PRR22: variants seen among roughly 807,000 people sequenced by gnomAD.
PRR22 encodes proline rich 22.
PRR22 carries 5 observed loss-of-function variants against 7.2 expected under a neutral mutation model. That is an observed-to-expected ratio of 0.69 (90% CI 0.36 to 1.45). The LOEUF (loss-of-function observed/expected upper bound fraction) is 1.45. Among genes scored for constraint, PRR22 ranks in the 40% most tolerant of loss-of-function variants. The probability of loss-of-function intolerance (pLI) is 0.03; values close to 1 mark genes in which losing one functional copy is unlikely to be tolerated. For missense variants in PRR22, 619 were observed against 568.8 expected, an observed-to-expected ratio of 1.09 and a Z score of -0.90; for synonymous variants, 319 against 269.3, an observed-to-expected ratio of 1.18 and a Z score of -1.81.
Position 5,783,170 on chromosome 19 carries a change from C to T in PRR22, c.1077G>A (p.Lys359=), listed in dbSNP as rs771891778. 8.1e-6 allele frequency: 13 copies of T among 1,612,534 alleles called. No individual in the cohort carries two copies. Among genetic ancestry groups the T allele is most frequent in the South Asian group, 1.1e-5 (1 of 91,074 alleles). The change falls in exon 3 of 3, where the codon AAG becomes AAA. Residue 359 remains lysine (K), a synonymous_variant. Coordinates refer to ENST00000419421, the MANE Select transcript of PRR22 (RefSeq NM_001134316.2). ...VSNVDYFFNF[K]ALDEEQPPHP... Reference sequence around the variant, plus strand: ...GGGGCGGCTGCTCCTCGTCGAGCGCCTTGAAGTTGAAGAAGTAGTCAACGT... The same window carrying T: ...GGGGCGGCTGCTCCTCGTCGAGCGCTTTGAAGTTGAAGAAGTAGTCAACGT...
rs368152890 is a variant in PRR22 at position 5,783,083 on chromosome 19, C to G, written c.1164G>C (p.Ser388=). ...APILSGKRKA[S]TAKKGKPGRK... is the part of the protein sequence containing the mutation. The stretch of plus-strand genomic sequence containing the variant: ...TTCCCGGCTTTCCCTTCTTGGCCGT[C>G]GAGGCCTTTCTCTTGCCAGACAGAA... The change falls in exon 3 of 3, where the codon TCG becomes TCC. Residue 388 remains serine, a synonymous_variant. Transcript: ENST00000419421. The G allele has an allele frequency of 1.6e-5, 25 of 1,606,064 alleles. No homozygotes were observed. The highest frequency in any genetic ancestry group is 2.0e-5 in the Non-Finnish European group (24 of 1,175,732).
Position 5,784,520 on chromosome 19 carries a change from C to A in PRR22, c.130+11G>T. On this transcript the variant is annotated intron_variant, in intron 1 of 2. Coordinates refer to ENST00000419421, the MANE Select transcript of PRR22 (RefSeq NM_001134316.2). ...CCTCTCCAGCAGGTGCTCCCACCCA[C>A]CCGATCGTACCCATAGCGGGAGGAG... 2 of 1,550,092 alleles carry A rather than the reference C, an allele frequency of 1.3e-6. No homozygotes were observed. The highest frequency in any genetic ancestry group is 1.7e-6 in the Non-Finnish European group (2 of 1,146,754).
chr19:5,784,647 T>C lies in PRR22; in HGVS notation c.14A>G (p.Lys5Arg). 1.3e-6 allele frequency: 2 copies of C among 1,534,488 alleles called. No homozygotes were observed. Among genetic ancestry groups the C allele is most frequent in the Middle Eastern group, 2.3e-4 (1 of 4,386 alleles). The change falls in exon 1 of 3, where the codon AAA becomes AGA. Residue 5 changes from lysine to arginine, a missense_variant. By Grantham distance (26) the Lys-to-Arg change is conservative (BLOSUM62 2). Coordinates refer to ENST00000419421, the MANE Select transcript of PRR22 (RefSeq NM_001134316.2). ...GGGAGCTGCAGGGGCACAGAACGGT[T>C]TGGGGTGCTGCATGGGGCAGCGGGG... MQHP[K>R]PFCAPAAPQE...
Position 5,784,540 on chromosome 19 carries a change from G to C in PRR22, c.121C>G (p.Pro41Ala). The C allele has an allele frequency of 1.9e-6, 3 of 1,549,744 alleles. No homozygotes were observed. The highest frequency in any genetic ancestry group is 3.5e-4 in the Middle Eastern group (2 of 5,710). The change falls in exon 1 of 3, where the codon CCC becomes GCC. Residue 41 changes from proline to alanine, a missense_variant. Physicochemically the swap from Pro to Ala is conservative, Grantham distance 27. Coordinates refer to ENST00000419421, the MANE Select transcript of PRR22 (RefSeq NM_001134316.2). ...QPAPTCAEPP[P>A]AMGSLNLYHP... ...ACCCACCCGATCGTACCCATAGCGG[G>C]AGGAGGCTCGGCACAGGTGGGAGCA...
At chr19:5,784,241 C>A (rs1344795394) in intron 2 of PRR22, 136 bp downstream of exon 2, 1 of 1,108,870 alleles carries the variant, frequency 9.0e-7, no homozygotes, top group Admixed American at 1.7e-5. Flanking sequence ...TGGGGCTCAT[C>A]TGGGGGACCT....
rs769677686 is a variant in PRR22, at chr19:5,783,803, C to T, written c.444G>A (p.Pro148=). ...GAGCCTCTGGCCCGGGGCCCTCAGG[C>T]GGGAAGTAGGGCAAGAGAAACTGGG... ...GGPQFLLPYF[P]PEGPGPEALG... The change falls in exon 3 of 3, where the codon CCG becomes CCA. Residue 148 remains proline, a synonymous_variant. Coordinates refer to ENST00000419421, the MANE Select transcript of PRR22 (RefSeq NM_001134316.2). 23 of 1,508,330 alleles carry T rather than the reference C, an allele frequency of 1.5e-5. No homozygotes were observed. In the African/African-American group the frequency reaches 1.5e-4, roughly 10 times the overall value. The allele number at this position is 1,508,330 out of a possible 1,614,324, so 93.4% of individuals were successfully genotyped here.
chr19:5,784,518 C>T lies in PRR22; in HGVS notation c.130+13G>A. ...ACCCTCTCCAGCAGGTGCTCCCACC[C>T]ACCCGATCGTACCCATAGCGGGAGG... On this transcript the variant is annotated intron_variant, in intron 1 of 2. Coordinates refer to ENST00000419421, the MANE Select transcript of PRR22 (RefSeq NM_001134316.2). 1 of 1,550,138 alleles carries T rather than the reference C, an allele frequency of 6.5e-7. No individual in the cohort carries two copies. Among genetic ancestry groups the T allele is most frequent in the Non-Finnish European group, 8.7e-7 (1 of 1,146,734 alleles).
chr19:5,783,032 TG>T lies in PRR22; in HGVS notation c.1214del (p.Pro405GlnfsTer?). 1 of 1,562,646 alleles carries T rather than the reference TG, an allele frequency of 6.4e-7. No individual in the cohort carries two copies. ...PGRKARQPAG[P>X]ASATPPGPRE... ...TGGGCCCCGGGGGAGTGGCGCTGGC[TG>T]GGCCTGCCGGCTGCCTGGCCTTCCT... On this transcript the variant is annotated frameshift_variant, in exon 3 of 3. Transcript: ENST00000419421. LOFTEE classifies it high-confidence loss of function.
chr19:5,783,854 G>T lies in PRR22; in HGVS notation c.393C>A (p.Pro131=). The change falls in exon 3 of 3, where the codon CCC becomes CCA. Residue 131 remains proline, a synonymous_variant. Coordinates refer to ENST00000419421, the MANE Select transcript of PRR22 (RefSeq NM_001134316.2). The stretch of plus-strand genomic sequence containing the variant: ...GCCCCCCGGGTGCCTGCTGGTAGTG[G>T]GGGTATGGAGGCAGCCCCGGGGCCT... ...YLKAPGLPPY[P]HYQQAPGGPQ... 1 of 1,559,614 alleles carries T rather than the reference G, an allele frequency of 6.4e-7. No individual in the cohort carries two copies. The highest frequency in any genetic ancestry group is 2.4e-5 in the East Asian group (1 of 42,262).
chr19:5,784,186 G>T, intron 2 of PRR22, 133 bp from the exon 3 acceptor site: 1 of 1,071,332 alleles, frequency 9.3e-7, no homozygotes, highest in Non-Finnish European at 1.5e-6. Flanking sequence ...CATAGATATT[G>T]CTTTGGGGCC....
chr19:5,783,905 G>T lies in PRR22; in HGVS notation c.342C>A (p.Tyr114Ter), dbSNP rs1363382512. The change falls in exon 3 of 3, where the codon TAC (tyrosine) becomes TAA (stop). Residue 114 changes from tyrosine (Y) to a stop codon, truncating the protein, a stop_gained. Transcript: ENST00000419421. LOFTEE classifies it low-confidence loss of function (END_TRUNC). ...PAGVPSAPGS[Y>*]LLEPQPYLKA... ...TGAGGTAGGGCTGAGGCTCCAGGAG[G>T]TAGCTGCCTGGGGCGGAGGGGACCC... is the stretch of plus-strand genomic sequence containing the variant. 1 of 1,574,368 alleles carries T rather than the reference G, an allele frequency of 6.4e-7. No homozygotes were observed. Among genetic ancestry groups the T allele is most frequent in the Non-Finnish European group, 8.6e-7 (1 of 1,161,268 alleles).
Position 5,783,646 on chromosome 19 carries a change from G to A in PRR22, c.601C>T (p.Pro201Ser). The A allele has an allele frequency of 6.9e-7, 1 of 1,455,640 alleles. No homozygotes were observed. Among genetic ancestry groups the A allele is most frequent in the Non-Finnish European group, 9.3e-7 (1 of 1,072,500 alleles). The allele number at this position is 1,455,640 out of a possible 1,614,324, so 90.2% of individuals were successfully genotyped here. The stretch of plus-strand genomic sequence containing the variant: ...TCTGGGGGCAGTGTGGGCTCTGCAG[G>A]CAGCGTGATGAGTACAGGGGGCGGC... ...NKPPPVLITL[P>S]AEPTLPPDAY... Residue 201 changes from proline to serine, a missense_variant, in exon 3 of 3, where the codon CCT becomes TCT. By Grantham distance (74) the Pro-to-Ser change is moderately conservative (BLOSUM62 -1). Transcript: ENST00000419421.
Position 5,782,996 on chromosome 19 carries a change from C to G in PRR22, c.1251G>C (p.Leu417=), listed in dbSNP as rs1273000777. 5 of 1,527,294 alleles carry G rather than the reference C, an allele frequency of 3.3e-6. No individual in the cohort carries two copies. The highest frequency in any genetic ancestry group is 4.4e-6 in the Non-Finnish European group (5 of 1,141,608). 94.6% of individuals were successfully genotyped at this position (1,527,294 alleles called of 1,614,324 possible). The change falls in exon 3 of 3, where the codon CTG becomes CTC. Residue 417 remains leucine, a synonymous_variant. Coordinates refer to ENST00000419421, the MANE Select transcript of PRR22 (RefSeq NM_001134316.2). ...SATPPGPRED[L]GATPH is the part of the protein sequence containing the mutation. ...ATGTGCTTTAATGCGGGGTGGCTCCCAGGTCCTCCCTGGGCCCCGGGGGAG... is the reference window on the plus strand; with the variant it reads ...ATGTGCTTTAATGCGGGGTGGCTCCGAGGTCCTCCCTGGGCCCCGGGGGAG...
At position 5,784,165 on chromosome 19, in the gene PRR22, T is replaced by C. The variant is rs761028006; in HGVS notation, c.194-112A>G. 1.2e-5 allele frequency: 14 copies of C among 1,132,112 alleles called. No homozygotes were observed. In the African/African-American group the frequency reaches 2.1e-4, roughly 17 times the overall value. The allele number at this position is 1,132,112 out of a possible 1,614,324, so 70.1% of individuals were successfully genotyped here. The stretch of plus-strand genomic sequence containing the variant: ...AGAACCTTGCCATTGGGGGGCCCCT[T>C]TGGGGGACGACATAGATATTGCTTT... On this transcript the variant is annotated intron_variant, in intron 2 of 2. Transcript: ENST00000419421.
chr19:5,784,621 G>A lies in PRR22; in HGVS notation c.40C>T (p.Gln14Ter), dbSNP rs774303863. ...PKPFCAPAAPQEGFSPQSLEG... is the reference protein window; with the variant it reads ...PKPFCAPAAP ...AGACTCTGCGGGCTGAAACCTTCCTGGGGAGCTGCAGGGGCACAGAACGGT... is the reference window on the plus strand; with the variant it reads ...AGACTCTGCGGGCTGAAACCTTCCTAGGGAGCTGCAGGGGCACAGAACGGT... The change falls in exon 1 of 3, where the codon CAG becomes TAG. Residue 14 changes from glutamine (Q) to a stop codon, truncating the protein, a stop_gained. Coordinates refer to ENST00000419421, the MANE Select transcript of PRR22 (RefSeq NM_001134316.2). LOFTEE classifies it high-confidence loss of function. 4 of 1,537,702 alleles carry A rather than the reference G, an allele frequency of 2.6e-6. No individual in the cohort carries two copies. In the South Asian group the frequency reaches 3.6e-5, roughly 14 times the overall value.
In PRR22 at chr19:5,784,390, T is replaced by G. The variant is rs1392145664; in HGVS notation, c.180A>C (p.Pro60=). Reference sequence around the variant, plus strand: ...GGAGGCCGGTACCTGCTGGTGGGGCTGGAAACACCTCTTTCTCTGGGTCTG... The same window carrying G: ...GGAGGCCGGTACCTGCTGGTGGGGCGGGAAACACCTCTTTCTCTGGGTCTG... ...HPPDPEKEVF[P]APPAGFQMAP... The change falls in exon 2 of 3, where the codon CCA becomes CCC. Residue 60 remains proline, a synonymous_variant. Coordinates refer to ENST00000419421, the MANE Select transcript of PRR22 (RefSeq NM_001134316.2). 2 of 1,600,538 alleles carry G rather than the reference T, an allele frequency of 1.2e-6. No individual in the cohort carries two copies. The highest frequency in any genetic ancestry group is 1.7e-6 in the Non-Finnish European group (2 of 1,173,676).
rs1568383522 is a variant in PRR22, at chr19:5,783,829, GC to G, written c.417del (p.Gln141SerfsTer36). ...PYPHYQQAPG[G>X]PQFLLPYFPP... Reference sequence around the variant, plus strand: ...GGGAAGTAGGGCAAGAGAAACTGGGGCCCCCCGGGTGCCTGCTGGTAGTGGG... The same window carrying G: ...GGGAAGTAGGGCAAGAGAAACTGGGGCCCCCGGGTGCCTGCTGGTAGTGGG... On this transcript the variant is annotated frameshift_variant, in exon 3 of 3. Transcript: ENST00000419421. LOFTEE classifies it low-confidence loss of function (END_TRUNC). The G allele has an allele frequency of 2.6e-6, 4 of 1,534,784 alleles. No homozygotes were observed. The highest frequency in any genetic ancestry group is 1.4e-5 in the African/African-American group (1 of 72,798).
In PRR22 at chr19:5,783,853, G is replaced by A. The variant is rs754385834; in HGVS notation, c.394C>T (p.His132Tyr). Residue 132 changes from histidine (H) to tyrosine (Y), a missense_variant, in exon 3 of 3, where the codon CAC (histidine) becomes TAC (tyrosine). By Grantham distance (83) the His-to-Tyr change is moderately conservative (BLOSUM62 2). Transcript: ENST00000419421. ...GGCCCCCCGGGTGCCTGCTGGTAGT[G>A]GGGGTATGGAGGCAGCCCCGGGGCC... ...LKAPGLPPYP[H>Y]YQQAPGGPQF... 7.1e-6 allele frequency: 11 copies of A among 1,559,186 alleles called. No individual in the cohort carries two copies. The highest frequency in any genetic ancestry group is 3.5e-5 in the South Asian group (3 of 85,684).
chr19:5,783,003 T>C lies in PRR22; in HGVS notation c.1244A>G (p.Glu415Gly), dbSNP rs759873808. Reference sequence around the variant, plus strand: ...TTAATGCGGGGTGGCTCCCAGGTCCTCCCTGGGCCCCGGGGGAGTGGCGCT... The same window carrying C: ...TTAATGCGGGGTGGCTCCCAGGTCCCCCCTGGGCCCCGGGGGAGTGGCGCT... ...PASATPPGPR[E>G]DLGATPH The change falls in exon 3 of 3, where the codon GAG becomes GGG. Residue 415 changes from glutamate (E) to glycine (G), a missense_variant. Physicochemically the swap from Glu to Gly is moderately conservative, Grantham distance 98 (BLOSUM62 -2). Coordinates refer to ENST00000419421, the MANE Select transcript of PRR22 (RefSeq NM_001134316.2). 3.7e-5 allele frequency: 57 copies of C among 1,535,948 alleles called. No homozygotes were observed. The highest frequency in any genetic ancestry group is 4.6e-5 in the Non-Finnish European group (53 of 1,144,930).
Sources: allele counts gnomAD v4.1 joint callset, GRCh38; gene constraint gnomAD v4.1.1; transcripts MANE v1.5; gene names NCBI Gene and HGNC (gene_info 2026-07-23, HGNC 2026-07-21).